Variants in ARFIP1 observed in about 807,000 individuals in gnomAD.
ARFIP1 encodes the protein arfaptin-1.
ARFIP1 carries 24 observed loss-of-function variants against 42.5 expected under a neutral mutation model. That is an observed-to-expected ratio of 0.57 (90% CI 0.41 to 0.80). The LOEUF (loss-of-function observed/expected upper bound fraction) is 0.80, where lower values mean the gene tolerates loss of function less well. Ranked by LOEUF, ARFIP1 falls within the 30% of genes least tolerant of loss-of-function variation. The pLI, the probability that ARFIP1 is intolerant of heterozygous loss-of-function variation, is 0.00. For missense variants in ARFIP1, 354 were observed against 434.0 expected, an observed-to-expected ratio of 0.82 and a Z score of 1.64; for synonymous variants, 141 against 153.7, an observed-to-expected ratio of 0.92 and a Z score of 0.61.
intron 1 of ARFIP1, among the ~76,000 whole-genome samples, chr4:152,804,432 TATAAC>T (rs1390287135): frequency 9.3e-6 from 1 of 108,010 alleles, no homozygotes; most frequent in Non-Finnish European, 1.7e-5. Flanking sequence ...TTATATATAA[TATAAC>T]ATGTATTATA....
intron 1 of ARFIP1, among the ~76,000 whole-genome samples, chr4:152,781,558 T>G (rs992555711): frequency 6.6e-6 from 1 of 152,188 alleles, no homozygotes; most frequent in African/African-American, 2.4e-5. Flanking sequence ...TTCATTGCTG[T>G]TCTCTCAGAG....
intron 1 of ARFIP1, among the ~76,000 whole-genome samples, chr4:152,800,349 T>A (rs1352705326): frequency 1.3e-5 from 2 of 152,178 alleles, no homozygotes; most frequent in African/African-American, 4.8e-5. Flanking sequence ...TCTCGTTTAA[T>A]GCTACAATAA....
chr4:152,833,776 A>G (rs150020552), intron 2 of ARFIP1, among the ~76,000 whole-genome samples: 11 of 152,228 alleles, frequency 7.2e-5, no homozygotes, highest in African/African-American at 2.4e-4. Flanking sequence ...TAAGCCAGAC[A>G]CAGGAAGACA....
intron 3 of ARFIP1, among the ~76,000 whole-genome samples, chr4:152,865,905 T>C (rs2149878300): frequency 6.6e-6 from 1 of 152,264 alleles, no homozygotes; most frequent in East Asian, 1.9e-4. Context: ...CATTCTTGGG[T>C]GTTTCTCGCA....
intron 3 of ARFIP1, among the ~76,000 whole-genome samples, chr4:152,867,552 A>T (rs1383229363): frequency 6.6e-6 from 1 of 151,912 alleles, no homozygotes; most frequent in Non-Finnish European, 1.5e-5. Flanking sequence ...GAGAGGGGAG[A>T]GGGTCTCGAA....
Position 152,821,040 on chromosome 4 carries a change from A to G in ARFIP1, c.-9-8585A>G, listed in dbSNP as rs184839210. On this transcript the variant is annotated intron_variant, in intron 1 of 8. Transcript: ENST00000353617. ...TAGTTAGAAGAAATAGTCTGCTCAC[A>G]TGAGAAGGAACCAGAAAACTAATTC... Among the ~76,000 whole-genome samples, 149 of 152,352 alleles carry G rather than the reference A, an allele frequency of 9.8e-4. 3 individuals are homozygous for G. The South Asian group carries it at 0.016, about 16-fold the overall frequency.
chr4:152,886,763 T>C (rs1420456608), intron 7 of ARFIP1, among the ~76,000 whole-genome samples: 1 of 152,000 alleles, frequency 6.6e-6, no homozygotes, highest in East Asian at 1.9e-4. Flanking sequence ...TTCATCTTTA[T>C]AGCTCTACTT....
At chr4:152,824,882 G>A (rs1730694086) in intron 1 of ARFIP1, among the ~76,000 whole-genome samples, 1 of 151,966 alleles carries the variant, frequency 6.6e-6, no homozygotes, top group Non-Finnish European at 1.5e-5. Context: ...TAGTAGCACT[G>A]CTATACACCA....
chr4:152,792,033 T>A (rs1285104419), intron 1 of ARFIP1, among the ~76,000 whole-genome samples: 2 of 152,106 alleles, frequency 1.3e-5, no homozygotes, highest in Non-Finnish European at 2.9e-5. Context: ...GTAGATTTCA[T>A]CAAAAGTGAA....
At chr4:152,827,696 G>A (rs1267181847) in intron 1 of ARFIP1, among the ~76,000 whole-genome samples, 1 of 152,056 alleles carries the variant, frequency 6.6e-6, no homozygotes, top group Non-Finnish European at 1.5e-5. Flanking sequence ...GTTTGTTTGA[G>A]ACAGCATCTT....
intron 8 of ARFIP1, among the ~76,000 whole-genome samples, chr4:152,893,574 A>G (rs1356834996): frequency 1.3e-5 from 2 of 152,326 alleles, no homozygotes; most frequent in African/African-American, 2.4e-5. Flanking sequence ...AGAAGATTCA[A>G]CAAAGCAGTT....
At position 152,785,175 on chromosome 4, in the gene ARFIP1, GTTT is replaced by G. The variant is rs1730728681; in HGVS notation, c.-10+4950_-10+4952del. 4.2e-5 allele frequency among the ~76,000 whole-genome samples: 6 copies of G among 144,358 alleles called. No individual in the cohort carries two copies. In the East Asian group the frequency reaches 1.2e-3, roughly 29 times the overall value. The allele number at this position is 144,358 out of a possible 152,430, so 94.7% of individuals were successfully genotyped here. Reference sequence around the variant, plus strand: ...ATCTGTAATCCATTCTTGGCACACTGTTTGGAAATCTTTGCCCTAGAGAAAAGG... The same window carrying G: ...ATCTGTAATCCATTCTTGGCACACTGGGAAATCTTTGCCCTAGAGAAAAGG... On this transcript the variant is annotated intron_variant, in intron 1 of 8. Coordinates refer to ENST00000353617, the MANE Select transcript of ARFIP1 (RefSeq NM_001025595.3).
chr4:152,864,750 A>T (rs1474855396), intron 3 of ARFIP1, among the ~76,000 whole-genome samples: 1 of 152,198 alleles, frequency 6.6e-6, no homozygotes, highest in Non-Finnish European at 1.5e-5. Context: ...CAATGGAGGA[A>T]ATCCTCCCAA....
intron 8 of ARFIP1, among the ~76,000 whole-genome samples, chr4:152,908,891 AGTGTGTGTGTGTGTGTGTGTGTGT>A (rs58362465): frequency 2.3e-5 from 3 of 132,464 alleles, no homozygotes; most frequent in Non-Finnish European, 4.8e-5. Flanking sequence ...GCTAGAGAGA[AGTGTGTGTGTGTGTGTGTGTGTGT>A]GTGTGTGTGT....
At chr4:152,838,639 A>C (rs927024046) in intron 2 of ARFIP1, among the ~76,000 whole-genome samples, 1 of 152,186 alleles carries the variant, frequency 6.6e-6, no homozygotes. Context: ...TTGTATCTGG[A>C]AACTTTGCTG....
chr4:152,796,757 C>G, intron 1 of ARFIP1: 1 of 751,516 alleles, frequency 1.3e-6, no homozygotes, highest in Non-Finnish European at 2.4e-6. Context: ...TCTCGACTTT[C>G]CTTCTTTCTC....
chr4:152,820,762 A>G (rs1274824174), intron 1 of ARFIP1, among the ~76,000 whole-genome samples: 7 of 152,216 alleles, frequency 4.6e-5, no homozygotes, highest in Non-Finnish European at 1.0e-4. Context: ...ACAGTTCAAC[A>G]TGAGATTTGG....
intron 8 of ARFIP1, among the ~76,000 whole-genome samples, chr4:152,907,065 C>G (rs1470353671): frequency 6.6e-6 from 1 of 152,170 alleles, no homozygotes; most frequent in Non-Finnish European, 1.5e-5. Flanking sequence ...CACCATCTAA[C>G]ATACTATATA....
intron 2 of ARFIP1, among the ~76,000 whole-genome samples, chr4:152,833,511 G>A (rs1731409638): frequency 6.6e-6 from 1 of 152,068 alleles, no homozygotes; most frequent in African/African-American, 2.4e-5. Flanking sequence ...TCCATTTCTG[G>A]GTATATATTC....
Sources: allele counts gnomAD v4.1 joint callset (sites outside exome capture counted in the v4.1 genomes callset), GRCh38; gene constraint gnomAD v4.1.1; transcripts MANE v1.5; gene names NCBI Gene and HGNC (gene_info 2026-07-23, HGNC 2026-07-21).